The following ZNF684 variants were observed in gnomAD, a reference collection of about 807,000 sequenced individuals.
ZNF684 encodes the protein hypothetical protein MGC27466.
A neutral mutation model predicts 12.8 loss-of-function variants in ZNF684; 13 were observed. That is an observed-to-expected ratio of 1.02 (90% CI 0.66 to 1.62). The LOEUF (loss-of-function observed/expected upper bound fraction) is 1.62. ZNF684 is among the 40% of genes most tolerant of loss of function. The pLI is 0.00. For synonymous variants in ZNF684, 118 were observed against 151.8 expected (o/e 0.78, Z 1.64); for missense variants, 384 against 446.9 (o/e 0.86, Z 1.27).
In ZNF684 at chr1:40,547,395, A is replaced by T; in HGVS notation, c.1072A>T (p.Asn358Tyr). 1 of 1,613,710 alleles carries T rather than the reference A, an allele frequency of 6.2e-7. No homozygotes were observed. The highest frequency in any genetic ancestry group is 8.5e-7 in the Non-Finnish European group (1 of 1,179,754). The change falls in exon 5 of 5, where the codon AAC (asparagine) becomes TAC (tyrosine). Residue 358 changes from asparagine to tyrosine, a missense_variant. Coordinates refer to ENST00000372699, the MANE Select transcript of ZNF684 (RefSeq NM_152373.4). ...TACAGGAGAGAAGCCCTATGAATGT[A>T]ACAGATGTGGGAAAGCATTTTCCCA... ...THTGEKPYEC[N>Y]RCGKAFSQKS... is the part of the protein sequence containing the mutation.
chr1:40,547,492 T>TA lies in ZNF684; in HGVS notation c.*35dup. 6.6e-7 allele frequency: 1 copy of TA among 1,523,338 alleles called. No homozygotes were observed. Among genetic ancestry groups the TA allele is most frequent in the Middle Eastern group, 1.9e-4 (1 of 5,344 alleles). 94.4% of individuals were successfully genotyped at this position (1,523,338 alleles called of 1,614,324 possible). On this transcript the variant is annotated 3_prime_UTR_variant, in exon 5 of 5. Coordinates refer to ENST00000372699, the MANE Select transcript of ZNF684 (RefSeq NM_152373.4). ...CTTTATGAATATGAGAAGGCCTTAT[T>TA]AAATATTTGCTAAATCTTATTAAAT...
At chr1:40,540,810 A>C in intron 3 of ZNF684, 98 bp downstream of exon 3, 1 of 1,227,844 alleles carries the variant, frequency 8.1e-7, no homozygotes, top group Non-Finnish European at 1.1e-6. Context: ...GTGGTCGCTC[A>C]TGCTTATAAT....
At position 40,535,592 on chromosome 1, in the gene ZNF684, G is replaced by GTT. The variant is rs112514426; in HGVS notation, c.15+2420_15+2421dup. Among the ~76,000 whole-genome samples, 40 of 126,892 alleles carry GTT rather than the reference G, an allele frequency of 3.2e-4. No individual in the cohort carries two copies. The East Asian group carries it at 4.1e-3, about 13-fold the overall frequency. 83.2% of individuals were successfully genotyped at this position (126,892 alleles called of 152,430 possible). A position where few individuals can be genotyped will look rare whatever the true frequency, so the allele number is the denominator to read the frequency against. On this transcript the variant is annotated intron_variant, in intron 2 of 4. Coordinates refer to ENST00000372699, the MANE Select transcript of ZNF684 (RefSeq NM_152373.4). ...TCCTCTTGTATTCTAGTAGATAGTT[G>GTT]TTTTTTTTTTATTTTGTTTTTAATC...
intron 1 of ZNF684, among the ~76,000 whole-genome samples, chr1:40,532,036 C>T (rs1320111837): frequency 6.6e-6 from 1 of 152,126 alleles, no homozygotes; most frequent in Non-Finnish European, 1.5e-5. Context: ...GTCAAGGTCA[C>T]TATGTAGGAG....
At position 40,546,829 on chromosome 1, in the gene ZNF684, A is replaced by C. The variant is rs746021667; in HGVS notation, c.506A>C (p.Lys169Thr). 2 of 1,611,974 alleles carry C rather than the reference A, an allele frequency of 1.2e-6. No individual in the cohort carries two copies. Among genetic ancestry groups the C allele is most frequent in the Admixed American group, 1.7e-5 (1 of 59,546 alleles). ...YECSECGKAFKKKFHFIRHEK... is the reference protein window; with the variant it reads ...YECSECGKAFTKKFHFIRHEK... ...TGCAGTGAATGCGGGAAAGCCTTCAAAAAGAAGTTTCATTTCATTAGACAT... is the reference window on the plus strand; with the variant it reads ...TGCAGTGAATGCGGGAAAGCCTTCACAAAGAAGTTTCATTTCATTAGACAT... Residue 169 changes from lysine (K) to threonine (T), a missense_variant, in exon 5 of 5, where the codon AAA (lysine) becomes ACA (threonine). Physicochemically the swap from Lys to Thr is moderately conservative, Grantham distance 78. Coordinates refer to ENST00000372699, the MANE Select transcript of ZNF684 (RefSeq NM_152373.4).
At chr1:40,539,428 T>C (rs761602844) in intron 2 of ZNF684, among the ~76,000 whole-genome samples, 35 of 151,604 alleles carry the variant, frequency 2.3e-4, no homozygotes, top group Non-Finnish European at 3.5e-4. Flanking sequence ...AGTCCAGGAG[T>C]TGGGTGCTAC....
Position 40,546,554 on chromosome 1 carries a change from C to T in ZNF684, c.239-8C>T. 6.5e-7 allele frequency: 1 copy of T among 1,527,410 alleles called. No individual in the cohort carries two copies. Among genetic ancestry groups the T allele is most frequent in the Non-Finnish European group, 8.7e-7 (1 of 1,143,502 alleles). The allele number at this position is 1,527,410 out of a possible 1,614,324, so 94.6% of individuals were successfully genotyped here. The stretch of plus-strand genomic sequence containing the variant: ...TAACTAGGAATGTTTTGTTGTACTC[C>T]TTTTTAGAATCTGACTACCCACTTG... On this transcript the variant is annotated splice_polypyrimidine_tract_variant and splice_region_variant and intron_variant, in intron 4 of 4. Transcript: ENST00000372699.
chr1:40,533,568 A>G (rs1364119195), intron 2 of ZNF684, among the ~76,000 whole-genome samples: 2 of 152,244 alleles, frequency 1.3e-5, no homozygotes, highest in Non-Finnish European at 2.9e-5. Flanking sequence ...GCAGCCTGCG[A>G]TAAATACAGC....
intron 2 of ZNF684, among the ~76,000 whole-genome samples, chr1:40,535,598 T>A (rs1484363017): frequency 6.7e-6 from 1 of 148,538 alleles, no homozygotes; most frequent in East Asian, 1.9e-4. Context: ...AGTTGTTTTT[T>A]TTTTATTTTG....
At chr1:40,540,018 A>G (rs1646006126) in intron 2 of ZNF684, among the ~76,000 whole-genome samples, 1 of 152,080 alleles carries the variant, frequency 6.6e-6, no homozygotes, top group East Asian at 1.9e-4. Flanking sequence ...GCCTCTTATC[A>G]GATATATGAT....
chr1:40,543,446 A>G (rs1351405265), intron 4 of ZNF684, among the ~76,000 whole-genome samples: 1 of 145,986 alleles, frequency 6.8e-6, no homozygotes, highest in East Asian at 2.1e-4. Context: ...AATGTCCACT[A>G]TATACAGTTT....
In ZNF684 at chr1:40,531,766, C is replaced by G. The variant is rs1173982323; in HGVS notation, c.-46C>G. 1 of 152,270 alleles carries G rather than the reference C, an allele frequency of 6.6e-6. No homozygotes were observed. Among genetic ancestry groups the G allele is most frequent in the African/African-American group, 2.4e-5 (1 of 41,410 alleles). The allele number at this position is 152,270 out of a possible 1,614,324, so 9.4% of individuals were successfully genotyped here. On this transcript the variant is annotated 5_prime_UTR_variant, in exon 1 of 5. Coordinates refer to ENST00000372699, the MANE Select transcript of ZNF684 (RefSeq NM_152373.4). The stretch of plus-strand genomic sequence containing the variant: ...CCAGGCTTGGAGCCGGAGCTGCGAG[C>G]GAGGCAGTGAAAGGGTGGCAGGTAT...
At chr1:40,541,496 T>C in intron 3 of ZNF684, 119 bp from the exon 4 acceptor site, 1 of 767,784 alleles carries the variant, frequency 1.3e-6, no homozygotes, top group East Asian at 2.9e-5. Context: ...GTCTGTTCTG[T>C]TTTAAAGGCT....
At chr1:40,541,755 C>G (rs772545092) in intron 4 of ZNF684, 45 bp downstream of exon 4, 1 of 1,520,780 alleles carries the variant, frequency 6.6e-7, no homozygotes, top group Non-Finnish European at 9.1e-7. Context: ...GTTGAGATCC[C>G]CATTGGTCAG....
Position 40,546,553 on chromosome 1 carries a change from C to T in ZNF684, c.239-9C>T, listed in dbSNP as rs181526623. 25 of 1,528,954 alleles carry T rather than the reference C, an allele frequency of 1.6e-5. No individual in the cohort carries two copies. In the East Asian group the frequency reaches 5.5e-4, roughly 33 times the overall value. 94.7% of individuals were successfully genotyped at this position (1,528,954 alleles called of 1,614,324 possible). ...GTAACTAGGAATGTTTTGTTGTACTCCTTTTTAGAATCTGACTACCCACTT... is the reference window on the plus strand; with the variant it reads ...GTAACTAGGAATGTTTTGTTGTACTTCTTTTTAGAATCTGACTACCCACTT... On this transcript the variant is annotated splice_polypyrimidine_tract_variant and intron_variant, in intron 4 of 4. Coordinates refer to ENST00000372699, the MANE Select transcript of ZNF684 (RefSeq NM_152373.4).
chr1:40,542,162 G>C (rs1646019916), intron 4 of ZNF684, among the ~76,000 whole-genome samples: 1 of 152,078 alleles, frequency 6.6e-6, no homozygotes. Context: ...TATAAAATAG[G>C]AACATTAATC....
intron 4 of ZNF684, among the ~76,000 whole-genome samples, chr1:40,543,660 G>A (rs530519016): frequency 1.9e-4 from 29 of 152,186 alleles, no homozygotes; most frequent in South Asian, 2.1e-4. Context: ...GTTTCACCAC[G>A]TTAGCCAGGA....
Position 40,546,566 on chromosome 1 carries a change from T to C in ZNF684, c.243T>C (p.Ser81=). The C allele has an allele frequency of 6.5e-7, 1 of 1,538,952 alleles. No homozygotes were observed. Among genetic ancestry groups the C allele is most frequent in the Non-Finnish European group, 8.7e-7 (1 of 1,149,104 alleles). The part of the protein sequence containing the change: ...GANPHESSPE[S]DYPLVDEPGK... ...TTTTGTTGTACTCCTTTTTAGAATC[T>C]GACTACCCACTTGTTGATGAACCAG... The change falls in exon 5 of 5, where the codon TCT becomes TCC. Residue 81 remains serine, a synonymous_variant. Transcript: ENST00000372699.
At chr1:40,536,675 C>G (rs920786689) in intron 2 of ZNF684, among the ~76,000 whole-genome samples, 1 of 126,578 alleles carries the variant, frequency 7.9e-6, no homozygotes, top group African/African-American at 3.0e-5. Flanking sequence ...CCCCCCACCC[C>G]ACAACAGGCC....
Sources: gnomAD v4.1 joint callset for allele counts (sites outside exome capture counted in the v4.1 genomes callset) on GRCh38, gnomAD v4.1.1 for gene constraint, MANE v1.5 for transcripts, NCBI Gene and HGNC (gene_info 2026-07-23, HGNC 2026-07-21) for gene names.